Variants in LDB2 observed in about 807,000 individuals in gnomAD.
The protein encoded by LDB2 is LIM domain-binding protein 2.
LDB2 carries 12 observed loss-of-function variants against 44.3 expected under a neutral mutation model. That is an observed-to-expected ratio of 0.27 (90% confidence interval 0.17 to 0.44). The LOEUF (loss-of-function observed/expected upper bound fraction) is 0.44, where lower values mean the gene tolerates loss of function less well. Ranked by LOEUF, LDB2 falls within the 20% of genes least tolerant of loss-of-function variation. The pLI is 1.00. For missense variants in LDB2, 344 were observed against 473.5 expected, an observed-to-expected ratio of 0.73 and a Z score of 2.54; for synonymous variants, 164 against 174.8, an observed-to-expected ratio of 0.94 and a Z score of 0.49.
At chr4:16,757,573 A>G (rs1012355128) in intron 2 of LDB2, among the ~76,000 whole-genome samples, 4 of 152,180 alleles carry the variant, frequency 2.6e-5, no homozygotes, top group Non-Finnish European at 5.9e-5. Flanking sequence ...TCCCGAACCA[A>G]CAAAGCACAA....
At chr4:16,885,070 G>A (rs1190490182) in intron 1 of LDB2, among the ~76,000 whole-genome samples, 2 of 145,230 alleles carry the variant, frequency 1.4e-5, no homozygotes, top group African/African-American at 5.0e-5. Context: ...TATTACTCAT[G>A]TAAAAACAGT....
chr4:16,838,437 A>C (rs995813234), intron 1 of LDB2, among the ~76,000 whole-genome samples: 14 of 152,184 alleles, frequency 9.2e-5, no homozygotes, highest in African/African-American at 3.4e-4. Flanking sequence ...GGCGACTTTT[A>C]AACTTTATTC....
At position 16,768,193 on chromosome 4, in the gene LDB2, GT is replaced by G. The variant is rs547288290; in HGVS notation, c.133-8934del. 2.6e-3 allele frequency among the ~76,000 whole-genome samples: 387 copies of G among 148,924 alleles called. 2 individuals are homozygous for G. Among genetic ancestry groups the G allele is most frequent in the African/African-American group, 8.2e-3 (332 of 40,648 alleles). ...TAAAGCATCTATTCCTTGAAAATGTGTTTTTTTTTTATTAAAATAAACTTAA... is the reference window on the plus strand; with the variant it reads ...TAAAGCATCTATTCCTTGAAAATGTGTTTTTTTTTATTAAAATAAACTTAA... On this transcript the variant is annotated intron_variant, in intron 1 of 7. Transcript: ENST00000304523.
At chr4:16,872,124 A>C (rs1014525745) in intron 1 of LDB2, among the ~76,000 whole-genome samples, 8 of 152,008 alleles carry the variant, frequency 5.3e-5, no homozygotes, top group Admixed American at 6.6e-5. Context: ...AAGCGTATGT[A>C]TGTATATACA....
At chr4:16,887,048 A>G (rs927592134) in intron 1 of LDB2, among the ~76,000 whole-genome samples, 15 of 150,774 alleles carry the variant, frequency 9.9e-5, no homozygotes, top group African/African-American at 3.6e-4. Context: ...AAAAAAAAAA[A>G]AAAAAAAAAA....
chr4:16,707,927 T>C (rs977364846), intron 2 of LDB2, among the ~76,000 whole-genome samples: 2 of 152,204 alleles, frequency 1.3e-5, no homozygotes, highest in African/African-American at 2.4e-5. Context: ...GAGCTCTACA[T>C]GCAAACTTAG....
chr4:16,757,171 G>A (rs942580499), intron 2 of LDB2, among the ~76,000 whole-genome samples: 3 of 152,192 alleles, frequency 2.0e-5, no homozygotes, highest in East Asian at 1.9e-4. Context: ...AACAGTGCAC[G>A]TCAGGCGTTC....
chr4:16,540,417 G>A (rs998178653), intron 5 of LDB2, among the ~76,000 whole-genome samples: 2 of 152,132 alleles, frequency 1.3e-5, no homozygotes, highest in African/African-American at 4.8e-5. Context: ...TTAAGCCAAT[G>A]GAAATTTGCG....
intron 2 of LDB2, among the ~76,000 whole-genome samples, chr4:16,692,130 T>C (rs575185437): frequency 7.3e-5 from 11 of 151,014 alleles, no homozygotes; most frequent in Admixed American, 3.3e-4. Flanking sequence ...AAAAAAAAAG[T>C]GTTCTTAGAG....
At chr4:16,583,687 A>G (rs1186183098) in intron 5 of LDB2, among the ~76,000 whole-genome samples, 1 of 152,196 alleles carries the variant, frequency 6.6e-6, no homozygotes, top group Non-Finnish European at 1.5e-5. Context: ...GCCCATGTTC[A>G]CTGCTTTTGG....
intron 1 of LDB2, among the ~76,000 whole-genome samples, chr4:16,876,803 C>T (rs931037489): frequency 6.6e-6 from 1 of 151,932 alleles, no homozygotes. Flanking sequence ...GTATTGCCAT[C>T]GATCCTCAAA....
At position 16,873,501 on chromosome 4, in the gene LDB2, C is replaced by CAA. The variant is rs113226002; in HGVS notation, c.132+24851_132+24852dup. Reference sequence around the variant, plus strand: ...CTCTATTCACCAGTTGATCTTATGACAAAAAAAAAAATGTTCTTTGTCCTT... The same window carrying CAA: ...CTCTATTCACCAGTTGATCTTATGACAAAAAAAAAAAAATGTTCTTTGTCCTT... On this transcript the variant is annotated intron_variant, in intron 1 of 7. Coordinates refer to ENST00000304523, the MANE Select transcript of LDB2 (RefSeq NM_001290.5). 7.2e-4 allele frequency among the ~76,000 whole-genome samples: 104 copies of CAA among 143,728 alleles called. 1 individual carries two copies. Among genetic ancestry groups the CAA allele is most frequent in the African/African-American group, 2.5e-3 (100 of 39,920 alleles). 94.3% of individuals were successfully genotyped at this position (143,728 alleles called of 152,430 possible).
At chr4:16,875,535 G>A (rs1718106852) in intron 1 of LDB2, among the ~76,000 whole-genome samples, 1 of 152,174 alleles carries the variant, frequency 6.6e-6, no homozygotes, top group African/African-American at 2.4e-5. Flanking sequence ...CTGCATTTTA[G>A]AGTGAATCAT....
intron 5 of LDB2, among the ~76,000 whole-genome samples, chr4:16,536,386 C>A (rs774397830): frequency 2.6e-5 from 4 of 152,144 alleles, no homozygotes; most frequent in Non-Finnish European, 5.9e-5. Flanking sequence ...CCACCCCAGC[C>A]AAGTCACCTT....
chr4:16,823,577 G>A (rs1782500648), intron 1 of LDB2, among the ~76,000 whole-genome samples: 2 of 152,176 alleles, frequency 1.3e-5, no homozygotes, highest in South Asian at 4.1e-4. Context: ...CAGCCAAGCT[G>A]CTTTCTGTGC....
chr4:16,748,306 A>G (rs112319806), intron 2 of LDB2, among the ~76,000 whole-genome samples: 2,378 of 152,326 alleles, frequency 0.016, 67 homozygotes, highest in African/African-American at 0.054. Flanking sequence ...GGACAACTTC[A>G]TAAAAATAAA....
intron 5 of LDB2, 122 bp from the exon 6 acceptor site, chr4:16,512,226 T>G (rs2152237103): frequency 1.1e-6 from 1 of 941,248 alleles, no homozygotes; most frequent in African/African-American, 1.6e-5. Flanking sequence ...TGGTTTTGAT[T>G]TTCTTTATAT....
chr4:16,669,302 C>T (rs987333045), intron 2 of LDB2, among the ~76,000 whole-genome samples: 4 of 152,142 alleles, frequency 2.6e-5, no homozygotes, highest in Non-Finnish European at 4.4e-5. Flanking sequence ...TGCTGTTCTG[C>T]CTGCACTAGC....
At position 16,778,350 on chromosome 4, in the gene LDB2, C is replaced by T. The variant is rs115916199; in HGVS notation, c.133-19090G>A. 6.8e-3 allele frequency among the ~76,000 whole-genome samples: 1,037 copies of T among 152,176 alleles called. 15 individuals are homozygous for T. Among genetic ancestry groups the T allele is most frequent in the African/African-American group, 0.023 (974 of 41,524 alleles). On this transcript the variant is annotated intron_variant, in intron 1 of 7. Transcript: ENST00000304523. ...TTCCTCATGAGCTATATCATGTCTACGAAACTCCTCTCTATATAAAACTTT... is the reference window on the plus strand; with the variant it reads ...TTCCTCATGAGCTATATCATGTCTATGAAACTCCTCTCTATATAAAACTTT...
Sources: allele counts gnomAD v4.1 joint callset (sites outside exome capture counted in the v4.1 genomes callset), GRCh38; gene constraint gnomAD v4.1.1; transcripts MANE v1.5; gene names NCBI Gene and HGNC (gene_info 2026-07-23, HGNC 2026-07-21).